RTN4: variants seen among roughly 807,000 people sequenced by gnomAD.
The protein encoded by RTN4 is reticulon 4, also known as reticulon-4.
A neutral mutation model predicts 90.4 loss-of-function variants in RTN4; 32 were observed. The observed-to-expected ratio is 0.35, with a 90% confidence interval of 0.27 to 0.48. The LOEUF (loss-of-function observed/expected upper bound fraction) is 0.48, where lower values mean the gene tolerates loss of function less well. Ranked by LOEUF, RTN4 falls within the 20% of genes least tolerant of loss-of-function variation. The pLI is 0.99. For missense variants in RTN4, 1,706 were observed against 1,430.2 expected, an observed-to-expected ratio of 1.19 and a Z score of -3.11; for synonymous variants, 629 against 552.5, an observed-to-expected ratio of 1.14 and a Z score of -1.94.
the RTN4 span, among the ~76,000 whole-genome samples, chr2:55,126,527 C>T: frequency 6.6e-6 from 1 of 152,156 alleles, no homozygotes; most frequent in Non-Finnish European, 1.5e-5. Context: ...TAAAAACTAA[C>T]AGATGCTGGT....
chr2:55,095,323 C>CAA (rs1328611450), intron 1 of RTN4, among the ~76,000 whole-genome samples: 3 of 138,826 alleles, frequency 2.2e-5, no homozygotes, highest in South Asian at 2.3e-4. Context: ...GATCCTGTCT[C>CAA]AAAAAAAAAA....
intron 1 of RTN4, among the ~76,000 whole-genome samples, chr2:55,035,488 T>C (rs189527978): frequency 6.6e-6 from 1 of 152,182 alleles, no homozygotes; most frequent in Admixed American, 6.5e-5. Flanking sequence ...TAGAGAGAAA[T>C]GTATAGCTTT....
chr2:55,073,285 C>A (rs903971693), intron 2 of RTN4, among the ~76,000 whole-genome samples: 1 of 152,176 alleles, frequency 6.6e-6, no homozygotes, highest in Non-Finnish European at 1.5e-5. Flanking sequence ...AAATACCAAA[C>A]AACCAAGAGC....
intron 2 of RTN4, among the ~76,000 whole-genome samples, chr2:55,070,545 CAAAAAAA>C (rs747838297): frequency 1.5e-5 from 1 of 67,324 alleles, no homozygotes; most frequent in Non-Finnish European, 2.9e-5. Context: ...GACTCTGTCT[CAAAAAAA>C]AAAAAAAAAA....
chr2:54,995,331 T>C (rs988613795), intron 3 of RTN4, among the ~76,000 whole-genome samples: 4 of 152,264 alleles, frequency 2.6e-5, no homozygotes, highest in Admixed American at 2.6e-4. Context: ...TAAGAAAGAT[T>C]TTTTAAAACA....
intron 4 of RTN4, among the ~76,000 whole-genome samples, chr2:54,985,153 C>CTTTT (rs71769973): frequency 0.016 from 952 of 57,906 alleles, 192 homozygotes; most frequent in African/African-American, 0.03. Context: ...ATGACTCGGC[C>CTTTT]TTTTTTTTTT....
chr2:55,122,899 G>C, the RTN4 span, among the ~76,000 whole-genome samples: 1 of 152,194 alleles, frequency 6.6e-6, no homozygotes, highest in Non-Finnish European at 1.5e-5. Flanking sequence ...CAGTAAACCT[G>C]GTTGTTAAAT....
At chr2:55,096,667 G>T (rs2968809) in intron 1 of RTN4, among the ~76,000 whole-genome samples, 43,429 of 152,098 alleles carry the variant, frequency 0.29, 7,169 homozygotes, top group East Asian at 0.46. Context: ...GGTTTTCAGT[G>T]TTGCTTTGGG....
Position 55,050,169 on chromosome 2 carries a change from G to GTCCTCCTCTTCC in RTN4, c.120_131dup (p.Glu40_Glu43dup), listed in dbSNP as rs1558856236. The stretch of plus-strand genomic sequence containing the variant: ...CCAGCTCCTCCAGGTCTTCGTCCTC[G>GTCCTCCTCTTCC]TCCTCCTCTTCCTCCTCCTCTTCTT... On this transcript the variant is annotated inframe_insertion, in exon 1 of 9. Coordinates refer to ENST00000337526, the MANE Select transcript of RTN4 (RefSeq NM_020532.5). This position sits in a 1 kb window ranked among gnomAD's most constrained non-coding sequence, Gnocchi z 4.6. 1.9e-6 allele frequency: 3 copies of GTCCTCCTCTTCC among 1,566,172 alleles called. No homozygotes were observed. The highest frequency in any genetic ancestry group is 1.8e-5 in the Admixed American group (1 of 55,416).
intron 3 of RTN4, among the ~76,000 whole-genome samples, chr2:54,994,753 A>G (rs185820918): frequency 1.1e-3 from 160 of 152,330 alleles, no homozygotes; most frequent in African/African-American, 3.4e-3. Context: ...TCCATATTGG[A>G]AAGGAAGAGA....
At chr2:55,042,171 C>G (rs1683119028) in intron 1 of RTN4, among the ~76,000 whole-genome samples, 2 of 152,170 alleles carry the variant, frequency 1.3e-5, no homozygotes, top group African/African-American at 4.8e-5. Flanking sequence ...GAAAAGGTAC[C>G]TTAACAGGTT....
At chr2:55,028,311 T>C in intron 1 of RTN4, 91 bp from the exon 2 acceptor site, 1 of 1,143,620 alleles carries the variant, frequency 8.7e-7, no homozygotes, top group Non-Finnish European at 1.2e-6. Context: ...GTTCAGTTTG[T>C]AATAAGTTAA....
In RTN4 at chr2:55,025,620, T is replaced by C; in HGVS notation, c.2479A>G (p.Lys827Glu). Residue 827 changes from lysine to glutamate, a missense_variant, in exon 3 of 9, where the codon AAA becomes GAA. By Grantham distance (56) the Lys-to-Glu change is moderately conservative (BLOSUM62 1). Coordinates refer to ENST00000337526, the MANE Select transcript of RTN4 (RefSeq NM_020532.5). The part of the protein sequence containing the change: ...DEVSTLSKKE[K>E]IPLQMEELST... ...AGCTCCTCCATCTGCAAAGGAATTT[T>C]CTCCTTTTTGCTCAATGTTGAAACT... 2 of 1,613,592 alleles carry C rather than the reference T, an allele frequency of 1.2e-6. No homozygotes were observed. The highest frequency in any genetic ancestry group is 1.7e-6 in the Non-Finnish European group (2 of 1,179,770).
At position 55,050,287 on chromosome 2, in the gene RTN4, T is replaced by A; in HGVS notation, c.14A>T (p.Asp5Val). 6.2e-6 allele frequency: 9 copies of A among 1,449,212 alleles called. No homozygotes were observed. Among genetic ancestry groups the A allele is most frequent in the Non-Finnish European group, 8.2e-6 (9 of 1,100,648 alleles). 89.8% of individuals were successfully genotyped at this position (1,449,212 alleles called of 1,614,324 possible). A position where few individuals can be genotyped will look rare whatever the true frequency, so the allele number is the denominator to read the frequency against. Residue 5 changes from aspartate to valine, a missense_variant, in exon 1 of 9, where the codon GAC (aspartate) becomes GTC (valine). Transcript: ENST00000337526. The surrounding 1 kb of genome is among the most constrained non-coding windows in gnomAD (Gnocchi z 4.6). ...CGAGGACGAGACCAGAGGAGACTGG[T>A]CCAGGTCTTCCATGGCTGGAGGGTG... MEDL[D>V]QSPLVSSSDS...
rs1196446380 is a variant in RTN4, at chr2:55,092,898, TTTC to T, written c.-213-12262_-213-12260del. Among the ~76,000 whole-genome samples the T allele has an allele frequency of 3.0e-4, 45 of 152,384 alleles. No individual in the cohort carries two copies. The East Asian group carries it at 8.3e-3, about 28-fold the overall frequency. ...AGTAGCCAGTTTTGCCCCTTCGCAT[TTTC>T]TTCTTCTTCACAGACATTTTCCCAA... On this transcript the variant is annotated intron_variant, in intron 1 of 3. Transcript: ENST00000427710.
intron 1 of RTN4, among the ~76,000 whole-genome samples, chr2:55,084,434 C>A (rs1668800087): frequency 6.6e-6 from 1 of 151,860 alleles, no homozygotes; most frequent in South Asian, 2.1e-4. Context: ...AGCCACCATG[C>A]CTGGCCATGA....
At chr2:55,048,378 C>G (rs1326078888) in intron 1 of RTN4, among the ~76,000 whole-genome samples, 1 of 152,170 alleles carries the variant, frequency 6.6e-6, no homozygotes, top group Admixed American at 6.5e-5. Context: ...CCTTAGCTTA[C>G]TGTATCTTTT....
intron 1 of RTN4, among the ~76,000 whole-genome samples, chr2:55,101,965 T>C (rs890020765): frequency 1.3e-5 from 2 of 152,014 alleles, no homozygotes; most frequent in Non-Finnish European, 2.9e-5. Context: ...AAAGGAAAAA[T>C]AGAGTGAAAT....
chr2:55,130,906 A>C, the RTN4 span, among the ~76,000 whole-genome samples: 1 of 152,206 alleles, frequency 6.6e-6, no homozygotes, highest in Non-Finnish European at 1.5e-5. Flanking sequence ...AGCAACAAAA[A>C]GAAGGTATTA....
Sources: allele counts gnomAD v4.1 joint callset (sites outside exome capture counted in the v4.1 genomes callset), GRCh38; gene constraint gnomAD v4.1.1; non-coding constraint Gnocchi (gnomAD v3.1); transcripts MANE v1.5; gene names NCBI Gene and HGNC (gene_info 2026-07-23, HGNC 2026-07-21).